The following RTEL1 variants were observed in gnomAD, a reference collection of about 807,000 sequenced individuals.
RTEL1 encodes regulator of telomere elongation helicase 1.
Under a neutral mutation model 162.2 loss-of-function variants are expected in RTEL1, and 86 were observed. That is an observed-to-expected ratio of 0.53 (90% CI 0.45 to 0.63). RTEL1 has a LOEUF of 0.63. RTEL1 is among the 30% of genes least tolerant of loss of function. The probability of loss-of-function intolerance (pLI) is 0.00; values close to 1 mark genes in which losing one functional copy is unlikely to be tolerated. For synonymous variants in RTEL1, 958 were observed against 717.9 expected (o/e 1.33, Z -5.35); for missense variants, 1,941 against 1,750.2 (o/e 1.11, Z -1.95).
In RTEL1 at chr20:63,663,049, A is replaced by T. The variant is rs6010998; in HGVS notation, c.538+160A>T. The T allele has an allele frequency of 0.76, 527,602 of 691,382 alleles. 206,948 individuals are homozygous for T. The highest frequency in any genetic ancestry group is 0.94 in the African/African-American group (53,798 of 57,242). The allele number at this position is 691,382 out of a possible 1,614,324, so 42.8% of individuals were successfully genotyped here. On this transcript the variant is annotated intron_variant, in intron 6 of 34. Transcript: ENST00000360203. ...TCTGACTCGGGGCCACCCATGTTAGACTTCTGTGTGGAAGAGCTCACACAG... is the reference window on the plus strand; with the variant it reads ...TCTGACTCGGGGCCACCCATGTTAGTCTTCTGTGTGGAAGAGCTCACACAG...
In RTEL1 at chr20:63,662,820, C is replaced by T. The variant is rs749098131; in HGVS notation, c.478-9C>T. 1.9e-6 allele frequency: 3 copies of T among 1,613,686 alleles called. No homozygotes were observed. The highest frequency in any genetic ancestry group is 1.7e-6 in the Non-Finnish European group (2 of 1,180,006). ...GCTTCAGCTGCGCACTCTGCCCTTC[C>T]TCCCACAGATCCACTTGTGCCGTAA... On this transcript the variant is annotated splice_polypyrimidine_tract_variant and intron_variant, in intron 5 of 34. Coordinates refer to ENST00000360203, the MANE Select transcript of RTEL1 (RefSeq NM_001283009.2).
At position 63,694,442 on chromosome 20, in the gene RTEL1, C is replaced by A. The variant is rs761907604; in HGVS notation, c.3063C>A (p.His1021Gln). 13 of 1,612,132 alleles carry A rather than the reference C, an allele frequency of 8.1e-6. No homozygotes were observed. The East Asian group carries it at 2.2e-4, about 28-fold the overall frequency. ...AAAQQLDPQE[H>Q]LNQGRPHLSP... Reference sequence around the variant, plus strand: ...CCCAGCAGCTGGACCCCCAAGAGCACCTGAACCAGGGCAGGCCCCACCTGT... The same window carrying A: ...CCCAGCAGCTGGACCCCCAAGAGCAACTGAACCAGGGCAGGCCCCACCTGT... Residue 1021 changes from histidine to glutamine, a missense_variant, in exon 31 of 35, where the codon CAC becomes CAA. Physicochemically the swap from His to Gln is conservative, Grantham distance 24. Transcript: ENST00000360203.
intron 34 of RTEL1, 49 bp from the exon 35 acceptor site, chr20:63,695,729 C>T (rs748158288): frequency 2.2e-5 from 35 of 1,599,024 alleles, no homozygotes; most frequent in South Asian, 5.6e-5. Context: ...GGCCCTTGTC[C>T]TGGTGGCAAC....
chr20:63,661,512 A>G lies in RTEL1; in HGVS notation c.301+16A>G. On this transcript the variant is annotated intron_variant, in intron 3 of 34. Transcript: ENST00000360203. The surrounding 1 kb of genome is among the most constrained non-coding windows in gnomAD (Gnocchi z 5.1). ...GACCCCATAGGTGACCCTAGTTCCC[A>G]GGCCTCTCCTGGCCTCCTGTGGGGA... 6.2e-7 allele frequency: 1 copy of G among 1,603,468 alleles called. No homozygotes were observed. Among genetic ancestry groups the G allele is most frequent in the Non-Finnish European group, 8.5e-7 (1 of 1,177,910 alleles).
rs767377137 is a variant in RTEL1 at position 63,672,536 on chromosome 20, C to T, written c.700-20C>T. The T allele has an allele frequency of 1.9e-6, 3 of 1,563,244 alleles. No homozygotes were observed. The highest frequency in any genetic ancestry group is 1.4e-5 in the African/African-American group (1 of 73,956). On this transcript the variant is annotated intron_variant, in intron 8 of 34. Transcript: ENST00000360203. ...GCCTCTGTGAGCTCCAGCGCTGCGT[C>T]CCTTCTCTTCCTCCTGTAGAGCCGC...
chr20:63,691,517 G>A (rs1036820460), intron 27 of RTEL1, among the ~76,000 whole-genome samples: 1 of 152,016 alleles, frequency 6.6e-6, no homozygotes, highest in Non-Finnish European at 1.5e-5. Flanking sequence ...GTCTTCCCTG[G>A]ACCTGCTCTT....
chr20:63,661,234 G>A lies in RTEL1; in HGVS notation c.103-64G>A. 6.7e-7 allele frequency: 1 copy of A among 1,490,292 alleles called. No homozygotes were observed. Among genetic ancestry groups the A allele is most frequent in the Non-Finnish European group, 9.3e-7 (1 of 1,080,694 alleles). The allele number at this position is 1,490,292 out of a possible 1,614,324, so 92.3% of individuals were successfully genotyped here. On this transcript the variant is annotated intron_variant, in intron 2 of 34. Coordinates refer to ENST00000360203, the MANE Select transcript of RTEL1 (RefSeq NM_001283009.2). This position sits in a 1 kb window ranked among gnomAD's most constrained non-coding sequence, Gnocchi z 5.1. ...CGCTGGCTGCCGAAGCTTGTCTCAG[G>A]GCAGCTTGTGTGGCCTCGCCTCTTC...
intron 7 of RTEL1, among the ~76,000 whole-genome samples, chr20:63,666,758 G>T (rs922570833): frequency 1.3e-5 from 2 of 151,780 alleles, no homozygotes; most frequent in African/African-American, 4.8e-5. Context: ...CCAGTCTCCT[G>T]AGCTCGAGAG....
chr20:63,668,078 T>C lies in RTEL1; in HGVS notation c.699+525T>C, dbSNP rs1601103729. Among the ~76,000 whole-genome samples the C allele has an allele frequency of 2.0e-5, 2 of 98,666 alleles. No individual in the cohort carries two copies. The highest frequency in any genetic ancestry group is 8.3e-5 in the African/African-American group (2 of 24,200). 64.7% of individuals were successfully genotyped at this position (98,666 alleles called of 152,430 possible). A position where few individuals can be genotyped will look rare whatever the true frequency, so the allele number is the denominator to read the frequency against. On this transcript the variant is annotated intron_variant, in intron 8 of 34. Coordinates refer to ENST00000360203, the MANE Select transcript of RTEL1 (RefSeq NM_001283009.2). The surrounding 1 kb of genome is among the most constrained non-coding windows in gnomAD (Gnocchi z 4.3). ...CCTCCCAGTGTGTGCCCAGCCCCACTCCCTTCCGCCCCGTGTGCCCAGCCC... is the reference window on the plus strand; with the variant it reads ...CCTCCCAGTGTGTGCCCAGCCCCACCCCCTTCCGCCCCGTGTGCCCAGCCC...
rs1292147957 is a variant in RTEL1, at chr20:63,688,182, G to A, written c.1636+3G>A. On this transcript the variant is annotated splice_donor_region_variant and intron_variant, in intron 19 of 34. Coordinates refer to ENST00000360203, the MANE Select transcript of RTEL1 (RefSeq NM_001283009.2). ...ATCCTCCCTGGGGAAGGCTCTGGGT[G>A]AGTGCCCTGAATGCCCCAGCTGTGC... The A allele has an allele frequency of 1.2e-6, 2 of 1,611,794 alleles. No individual in the cohort carries two copies. Among genetic ancestry groups the A allele is most frequent in the East Asian group, 2.2e-5 (1 of 44,870 alleles).
At chr20:63,690,495 T>TGGGGGGGGGGGGGGGGGGGGGGGGGGG in intron 26 of RTEL1, 54 bp downstream of exon 26, 1 of 594,926 alleles carries the variant, frequency 1.7e-6, no homozygotes, top group Non-Finnish European at 2.7e-6. Flanking sequence ...GCGGGCGGCG[T>TGGGGGGGGGGGGGGGGGGGGGGGGGGG]GGGGCGGGCA....
intron 6 of RTEL1, among the ~76,000 whole-genome samples, chr20:63,663,231 G>A (rs578150741): frequency 3.7e-4 from 57 of 152,348 alleles, no homozygotes; most frequent in Middle Eastern, 3.4e-3. Flanking sequence ...CTTTCTCTTC[G>A]GGGACTTTGT....
intron 16 of RTEL1, 107 bp downstream of exon 16, chr20:63,685,979 G>C (rs1415678624): frequency 7.5e-6 from 8 of 1,061,670 alleles, no homozygotes; most frequent in Non-Finnish European, 1.1e-5. Context: ...GCCCCCATGG[G>C]CCTGGCCACC....
Position 63,679,912 on chromosome 20 carries a change from C to G in RTEL1, c.1101C>G (p.Asp367Glu). ...TTCAGACCAAGGGCTGCATCCTGGA[C>G]TCGCTGGACCAGATCATCCAGCACC... ...ITFQTKGCIL[D>E]SLDQIIQHLA... Residue 367 changes from aspartate to glutamate, a missense_variant, in exon 13 of 35, where the codon GAC becomes GAG. Asp to Glu is a conservative substitution (Grantham distance 45). Transcript: ENST00000360203. The G allele has an allele frequency of 6.2e-7, 1 of 1,612,664 alleles. No homozygotes were observed. Among genetic ancestry groups the G allele is most frequent in the Non-Finnish European group, 8.5e-7 (1 of 1,179,918 alleles).
At position 63,693,235 on chromosome 20, in the gene RTEL1, C is replaced by T; in HGVS notation, c.2944C>T (p.His982Tyr). ...ACGAGGCTGTGGCTATCGGCCTGAG[C>T]ACAGCATTCCCCGAAGGCAGCGGGC... ...TGRGCGYRPE[H>Y]SIPRRQRAQP... The change falls in exon 30 of 35, where the codon CAC (histidine) becomes TAC (tyrosine). Residue 982 changes from histidine (H) to tyrosine (Y), a missense_variant. Coordinates refer to ENST00000360203, the MANE Select transcript of RTEL1 (RefSeq NM_001283009.2). 1 of 1,612,046 alleles carries T rather than the reference C, an allele frequency of 6.2e-7. No individual in the cohort carries two copies. Among genetic ancestry groups the T allele is most frequent in the Non-Finnish European group, 8.5e-7 (1 of 1,179,472 alleles).
intron 2 of RTEL1, among the ~76,000 whole-genome samples, chr20:63,660,066 A>G (rs1030680566): frequency 6.6e-6 from 1 of 152,186 alleles, no homozygotes; most frequent in South Asian, 2.1e-4. Context: ...AAAGAGTAAC[A>G]GAGCAGCATT....
At chr20:63,693,666 ACC>A (rs1568721411) in intron 30 of RTEL1, among the ~76,000 whole-genome samples, 5 of 54,662 alleles carry the variant, frequency 9.1e-5, no homozygotes, top group African/African-American at 4.0e-4. Flanking sequence ...CACCACCTCC[ACC>A]ACCACCACCA....
At chr20:63,681,754 T>G (rs1451875298) in intron 14 of RTEL1, 3 of 985,204 alleles carry the variant, frequency 3.0e-6, no homozygotes, top group Non-Finnish European at 3.6e-6. Context: ...CTCCCTCCAC[T>G]GTGGCCGTCT....
intron 4 of RTEL1, chr20:63,662,293 A>C: frequency 1.5e-6 from 1 of 684,748 alleles, no homozygotes; most frequent in Non-Finnish European, 2.6e-6. Context: ...AGCCCAGCAG[A>C]GTCTTGGTGT....
Sources: allele counts gnomAD v4.1 joint callset (sites outside exome capture counted in the v4.1 genomes callset), GRCh38; gene constraint gnomAD v4.1.1; non-coding constraint Gnocchi (gnomAD v3.1); transcripts MANE v1.5; gene names NCBI Gene and HGNC (gene_info 2026-07-23, HGNC 2026-07-21).